Variants in NEGR1 observed in about 807,000 individuals in gnomAD.
NEGR1 encodes the protein neuronal growth regulator 1.
Under a neutral mutation model 40.9 loss-of-function variants are expected in NEGR1, and 10 were observed. The observed-to-expected ratio is 0.24, with a 90% CI of 0.15 to 0.42. NEGR1 has a LOEUF of 0.42. NEGR1 is among the 10% of genes least tolerant of loss of function. The pLI is 1.00. For missense variants in NEGR1, 352 were observed against 438.9 expected (o/e 0.80, Z 1.77); for synonymous variants, 185 against 166.8 (o/e 1.11, Z -0.84).
At chr1:72,068,348 C>A (rs1647330534) in intron 1 of NEGR1, among the ~76,000 whole-genome samples, 1 of 152,132 alleles carries the variant, frequency 6.6e-6, no homozygotes, top group African/African-American at 2.4e-5. Flanking sequence ...CTGCTGGCAT[C>A]CCTTCATTGC....
At chr1:72,035,282 T>C (rs777411456) in intron 1 of NEGR1, among the ~76,000 whole-genome samples, 2 of 152,190 alleles carry the variant, frequency 1.3e-5, no homozygotes, top group Non-Finnish European at 2.9e-5. Flanking sequence ...TATTAAACTT[T>C]CTGCTCCTAA....
chr1:71,912,469 C>T (rs1475041483), intron 2 of NEGR1, among the ~76,000 whole-genome samples: 1 of 152,160 alleles, frequency 6.6e-6, no homozygotes, highest in African/African-American at 2.4e-5. Flanking sequence ...TAAATCCCTT[C>T]ACCACAAAAG....
At chr1:72,037,023 G>C (rs1569858986) in intron 1 of NEGR1, among the ~76,000 whole-genome samples, 1 of 152,066 alleles carries the variant, frequency 6.6e-6, no homozygotes, top group Non-Finnish European at 1.5e-5. Flanking sequence ...AGATCTATTT[G>C]ATGGAACAAA....
intron 3 of NEGR1, among the ~76,000 whole-genome samples, chr1:71,722,114 T>C (rs1457451276): frequency 1.3e-5 from 2 of 152,124 alleles, no homozygotes; most frequent in East Asian, 3.9e-4. Context: ...GTTGTGCTTT[T>C]AGAAGATCAC....
In NEGR1 at chr1:71,864,259, G is replaced by A. The variant is rs576968921; in HGVS notation, c.409+70820C>T. Among the ~76,000 whole-genome samples the A allele has an allele frequency of 2.9e-4, 44 of 152,232 alleles. No homozygotes were observed. In the South Asian group the frequency reaches 8.7e-3, roughly 30 times the overall value. ...AAGACTGTACAGCTTATTCCACTGT[G>A]GAGCACACAGGCATGCAGTTCTTGG... On this transcript the variant is annotated intron_variant, in intron 2 of 6. Transcript: ENST00000357731.
At chr1:72,014,567 G>A (rs959975285) in intron 1 of NEGR1, among the ~76,000 whole-genome samples, 1 of 151,936 alleles carries the variant, frequency 6.6e-6, no homozygotes, top group Non-Finnish European at 1.5e-5. Flanking sequence ...CAATATTCAT[G>A]TACATAGCAT....
rs540760324 is a variant in NEGR1, at chr1:71,923,625, C to T, written c.409+11454G>A. 2.6e-5 allele frequency among the ~76,000 whole-genome samples: 4 copies of T among 152,210 alleles called. No individual in the cohort carries two copies. In the East Asian group the frequency reaches 7.7e-4, roughly 29 times the overall value. On this transcript the variant is annotated intron_variant, in intron 2 of 6. Transcript: ENST00000357731. ...TAGACATGTCTCACTCAGCTATACTCGAGGTGTTGGCAGGGCTGAAGTCCC... is the reference window on the plus strand; with the variant it reads ...TAGACATGTCTCACTCAGCTATACTTGAGGTGTTGGCAGGGCTGAAGTCCC...
chr1:72,189,293 T>C (rs1467924125), intron 1 of NEGR1, among the ~76,000 whole-genome samples: 2 of 151,606 alleles, frequency 1.3e-5, no homozygotes, highest in African/African-American at 4.8e-5. Context: ...TAATTTACTA[T>C]GAAGTACAAC....
At chr1:71,617,215 A>T (rs1213513) in intron 4 of NEGR1, among the ~76,000 whole-genome samples, 2 of 151,988 alleles carry the variant, frequency 1.3e-5, no homozygotes, top group Non-Finnish European at 2.9e-5. Context: ...CCTGCCTACC[A>T]CTAAGGATAT....
rs1377123588 is a variant in NEGR1, at chr1:71,626,598, T to C, written c.668-15452A>G. On this transcript the variant is annotated intron_variant, in intron 4 of 6. Transcript: ENST00000357731. ...TAGGCATGGGCAAGGTCTTCATGTC[T>C]AAAACACCAAAAGCAATGGCAACAA... Among the ~76,000 whole-genome samples, 15 of 151,860 alleles carry C rather than the reference T, an allele frequency of 9.9e-5. No homozygotes were observed. In the East Asian group the frequency reaches 2.3e-3, roughly 24 times the overall value.
chr1:72,260,135 C>T (rs1386629684), intron 1 of NEGR1, among the ~76,000 whole-genome samples: 1 of 151,988 alleles, frequency 6.6e-6, no homozygotes, highest in Non-Finnish European at 1.5e-5. Flanking sequence ...TCATTTTGAA[C>T]CATGGCTTTG....
At chr1:72,142,786 C>A (rs1570033512) in intron 1 of NEGR1, among the ~76,000 whole-genome samples, 1 of 151,594 alleles carries the variant, frequency 6.6e-6, no homozygotes, top group South Asian at 2.1e-4. Flanking sequence ...GTCCAGTGAT[C>A]CTACATGAAA....
At chr1:72,274,250 T>C (rs2100562728) in intron 1 of NEGR1, among the ~76,000 whole-genome samples, 1 of 152,172 alleles carries the variant, frequency 6.6e-6, no homozygotes, top group South Asian at 2.1e-4. Flanking sequence ...AATGACTCCC[T>C]ATTGTCTGGA....
chr1:71,799,112 G>A (rs1657453418), intron 2 of NEGR1, among the ~76,000 whole-genome samples: 1 of 151,604 alleles, frequency 6.6e-6, no homozygotes, highest in African/African-American at 2.4e-5. Context: ...TATTACATAG[G>A]TATACATGTG....
Position 71,487,020 on chromosome 1 carries a change from C to G in NEGR1, c.941-79450G>C, listed in dbSNP as rs999931283. ...GCAGTTGCAAGCATCTTGAGCAATT[C>G]TATTCCATATAGAGACATAAGAAAC... On this transcript the variant is annotated intron_variant, in intron 6 of 6. Transcript: ENST00000357731. 9 of 151,632 alleles carry G rather than the reference C, an allele frequency of 5.9e-5. No homozygotes were observed. The South Asian group carries it at 1.7e-3, about 28-fold the overall frequency. The allele number at this position is 151,632 out of a possible 1,614,324, so 9.4% of individuals were successfully genotyped here.
At chr1:71,809,730 A>ATG (rs555558779) in intron 2 of NEGR1, among the ~76,000 whole-genome samples, 25 of 151,828 alleles carry the variant, frequency 1.6e-4, no homozygotes, top group African/African-American at 4.4e-4. Flanking sequence ...AACATGTCCA[A>ATG]TGTGTGTGTG....
intron 1 of NEGR1, among the ~76,000 whole-genome samples, chr1:72,156,716 T>C (rs1388932588): frequency 6.6e-5 from 10 of 152,166 alleles, no homozygotes; most frequent in African/African-American, 9.7e-5. Flanking sequence ...TAAAGCAGAA[T>C]TGATAGACTA....
At chr1:71,732,610 C>G (rs1654919891) in intron 3 of NEGR1, among the ~76,000 whole-genome samples, 1 of 152,014 alleles carries the variant, frequency 6.6e-6, no homozygotes, top group African/African-American at 2.4e-5. Flanking sequence ...CTTCAAACCT[C>G]TGTGAGGATG....
At chr1:71,927,900 A>C (rs1329794601) in intron 2 of NEGR1, among the ~76,000 whole-genome samples, 1 of 136,028 alleles carries the variant, frequency 7.4e-6, no homozygotes, top group Non-Finnish European at 1.5e-5. Flanking sequence ...TGAGAGGCTG[A>C]GGTGGGAGGA....
Sources: allele counts gnomAD v4.1 joint callset (sites outside exome capture counted in the v4.1 genomes callset), GRCh38; gene constraint gnomAD v4.1.1; transcripts MANE v1.5; gene names NCBI Gene and HGNC (gene_info 2026-07-23, HGNC 2026-07-21).